TUSC1: variants seen among roughly 807,000 people sequenced by gnomAD.
The protein encoded by TUSC1 is tumor suppressor candidate 1.
Under a neutral mutation model 5.2 loss-of-function variants are expected in TUSC1, and 8 were observed. That is an observed-to-expected ratio of 1.54 (90% CI 0.90 to 2.77). The LOEUF (loss-of-function observed/expected upper bound fraction) is 2.77. Among genes scored for constraint, TUSC1 ranks in the 30% most tolerant of loss-of-function variants. TUSC1 has a pLI of 0.00. For missense variants in TUSC1, 442 were observed against 324.2 expected, an observed-to-expected ratio of 1.36 and a Z score of -2.79; for synonymous variants, 192 against 144.2, an observed-to-expected ratio of 1.33 and a Z score of -2.37.
Position 25,677,094 on chromosome 9 carries a change from G to A in TUSC1, c.*589C>T, listed in dbSNP as rs1205711955. 2.0e-5 allele frequency: 3 copies of A among 152,288 alleles called. No individual in the cohort carries two copies. Among genetic ancestry groups the A allele is most frequent in the East Asian group, 1.9e-4 (1 of 5,184 alleles). The allele number at this position is 152,288 out of a possible 1,614,324, so 9.4% of individuals were successfully genotyped here. A position where few individuals can be genotyped will look rare whatever the true frequency, so the allele number is the denominator to read the frequency against. On this transcript the variant is annotated 3_prime_UTR_variant, in exon 1 of 1. Transcript: ENST00000358022. ...ATGTACAGGGACTGCAGCCAAGACA[G>A]GCATGAGTTCCTAGGTTATAAATAT...
In TUSC1 at chr9:25,678,284, C is replaced by T; in HGVS notation, c.29G>A (p.Arg10Lys). 2 of 1,468,192 alleles carry T rather than the reference C, an allele frequency of 1.4e-6. No individual in the cohort carries two copies. The highest frequency in any genetic ancestry group is 3.1e-5 in the East Asian group (1 of 32,198). The allele number at this position is 1,468,192 out of a possible 1,614,324, so 90.9% of individuals were successfully genotyped here. A position where few individuals can be genotyped will look rare whatever the true frequency, so the allele number is the denominator to read the frequency against. The change falls in exon 1 of 1, where the codon AGG becomes AAG. Residue 10 changes from arginine (R) to lysine (K), a missense_variant. Coordinates refer to ENST00000358022, the MANE Select transcript of TUSC1 (RefSeq NM_001004125.3). ...GTCCCCGCCGCAGCAACTCCCGCGC[C>T]TAGTGGCGCCACCACGCATGCGCCA... MWRMRGGAT[R>K]RGSCCGGDGA...
rs1819062048 is a variant in TUSC1, at chr9:25,677,491, C to T, written c.*192G>A. 4 of 1,116,778 alleles carry T rather than the reference C, an allele frequency of 3.6e-6. No individual in the cohort carries two copies. The highest frequency in any genetic ancestry group is 2.6e-5 in the East Asian group (1 of 38,142). The allele number at this position is 1,116,778 out of a possible 1,614,324, so 69.2% of individuals were successfully genotyped here. On this transcript the variant is annotated 3_prime_UTR_variant, in exon 1 of 1. Transcript: ENST00000358022. ...GTGGGAGGTCCTGAGGGCCCTTGCA[C>T]CCACTCGACCTCCACCAAGCGGATG... is the stretch of plus-strand genomic sequence containing the variant.
chr9:25,677,511 CG>C lies in TUSC1; in HGVS notation c.*171del. 1 of 1,303,308 alleles carries C rather than the reference CG, an allele frequency of 7.7e-7. No individual in the cohort carries two copies. Among genetic ancestry groups the C allele is most frequent in the Non-Finnish European group, 1.0e-6 (1 of 981,752 alleles). 80.7% of individuals were successfully genotyped at this position (1,303,308 alleles called of 1,614,324 possible). A position where few individuals can be genotyped will look rare whatever the true frequency, so the allele number is the denominator to read the frequency against. ...TTGCACCCACTCGACCTCCACCAAG[CG>C]GATGGCCAAGCGCCACCCGGAAGTG... is the stretch of plus-strand genomic sequence containing the variant. On this transcript the variant is annotated 3_prime_UTR_variant, in exon 1 of 1. Transcript: ENST00000358022.
In TUSC1 at chr9:25,677,790, C is replaced by A. The variant is rs1000105701; in HGVS notation, c.523G>T (p.Glu175Ter). 1.9e-6 allele frequency: 3 copies of A among 1,588,900 alleles called. No individual in the cohort carries two copies. In the African/African-American group the frequency reaches 4.0e-5, roughly 21 times the overall value. The change falls in exon 1 of 1, where the codon GAG (glutamate) becomes TAG (stop). Residue 175 changes from glutamate (E) to a stop codon, truncating the protein, a stop_gained. Transcript: ENST00000358022. LOFTEE classifies it low-confidence loss of function (END_TRUNC). ...CCGCTCGGACGTGGTCCCCGCTGCT[C>A]GAGGTGCAGCTGCAGCAGGGCCCGG... Reference protein sequence around the residue: ...YRRALLQLHLEQRGPRPSGDK... With the variant: ...YRRALLQLHL
In TUSC1 at chr9:25,677,608, C is replaced by G. The variant is rs1295243534; in HGVS notation, c.*75G>C. The G allele has an allele frequency of 6.9e-7, 1 of 1,440,116 alleles. No homozygotes were observed. The highest frequency in any genetic ancestry group is 9.1e-7 in the Non-Finnish European group (1 of 1,102,324). The allele number at this position is 1,440,116 out of a possible 1,614,324, so 89.2% of individuals were successfully genotyped here. ...GGCAGGGAGCGGGCCAGGGCGTGCG[C>G]GAGGTCGGGGGTAGCTGGGAACGGA... On this transcript the variant is annotated 3_prime_UTR_variant, in exon 1 of 1. Coordinates refer to ENST00000358022, the MANE Select transcript of TUSC1 (RefSeq NM_001004125.3).
Position 25,677,530 on chromosome 9 carries a change from C to T in TUSC1, c.*153G>A. 1 of 1,390,428 alleles carries T rather than the reference C, an allele frequency of 7.2e-7. No individual in the cohort carries two copies. The highest frequency in any genetic ancestry group is 9.4e-7 in the Non-Finnish European group (1 of 1,060,708). 86.1% of individuals were successfully genotyped at this position (1,390,428 alleles called of 1,614,324 possible). A position where few individuals can be genotyped will look rare whatever the true frequency, so the allele number is the denominator to read the frequency against. On this transcript the variant is annotated 3_prime_UTR_variant, in exon 1 of 1. Transcript: ENST00000358022. ...ACCAAGCGGATGGCCAAGCGCCACC[C>T]GGAAGTGTCCACTGGTGGGGGCGGG... is the stretch of plus-strand genomic sequence containing the variant.
At position 25,677,667 on chromosome 9, in the gene TUSC1, C is replaced by T. The variant is rs925969255; in HGVS notation, c.*16G>A. On this transcript the variant is annotated 3_prime_UTR_variant, in exon 1 of 1. Transcript: ENST00000358022. Reference sequence around the variant, plus strand: ...GGCCCGCTCGAGGCTCCGCCTCTCACCGGCTGCGGCCTCGGCTACAGCCAG... The same window carrying T: ...GGCCCGCTCGAGGCTCCGCCTCTCATCGGCTGCGGCCTCGGCTACAGCCAG... The T allele has an allele frequency of 8.0e-6, 12 of 1,493,204 alleles. No homozygotes were observed. The highest frequency in any genetic ancestry group is 9.8e-6 in the Non-Finnish European group (11 of 1,122,146). 92.5% of individuals were successfully genotyped at this position (1,493,204 alleles called of 1,614,324 possible).
In TUSC1 at chr9:25,677,857, C is replaced by A; in HGVS notation, c.456G>T (p.Arg152Ser). The change falls in exon 1 of 1, where the codon AGG (arginine) becomes AGT (serine). Residue 152 changes from arginine to serine, a missense_variant. Arg to Ser is a moderately radical substitution (Grantham distance 110). Transcript: ENST00000358022. ...SGREDEPGSP[R>S]ALRARLEKLE... Reference sequence around the variant, plus strand: ...GCTTCTCAAGTCGGGCCCTCAGGGCCCTGGGGCTGCCCGGCTCGTCCTCTC... The same window carrying A: ...GCTTCTCAAGTCGGGCCCTCAGGGCACTGGGGCTGCCCGGCTCGTCCTCTC... The A allele has an allele frequency of 6.3e-7, 1 of 1,596,010 alleles. No individual in the cohort carries two copies. Among genetic ancestry groups the A allele is most frequent in the Non-Finnish European group, 8.5e-7 (1 of 1,174,128 alleles).
chr9:25,677,890 GTC>G lies in TUSC1; in HGVS notation c.421_422del (p.Asp141GlnfsTer18). 1 of 1,588,260 alleles carries G rather than the reference GTC, an allele frequency of 6.3e-7. No homozygotes were observed. On this transcript the variant is annotated frameshift_variant, in exon 1 of 1. Coordinates refer to ENST00000358022, the MANE Select transcript of TUSC1 (RefSeq NM_001004125.3). LOFTEE classifies it low-confidence loss of function (END_TRUNC). ...TGCCCGGCTCGTCCTCTCGGCCGCT[GTC>G]TCTAGCCCTCCGGTTCGTGCTGGCC... is the stretch of plus-strand genomic sequence containing the variant. Reference protein sequence around the residue: ...EEASTNRRARDSGREDEPGSP... With the variant: ...EEASTNRRARXSGREDEPGSP...
chr9:25,678,296 C>T lies in TUSC1; in HGVS notation c.17G>A (p.Gly6Asp). The T allele has an allele frequency of 1.4e-6, 2 of 1,469,520 alleles. No individual in the cohort carries two copies. Among genetic ancestry groups the T allele is most frequent in the Middle Eastern group, 4.7e-4 (2 of 4,216 alleles). The allele number at this position is 1,469,520 out of a possible 1,614,324, so 91.0% of individuals were successfully genotyped here. Reference protein sequence around the residue: MWRMRGGATRRGSCCG... With the variant: MWRMRDGATRRGSCCG... ...GCAACTCCCGCGCCTAGTGGCGCCA[C>T]CACGCATGCGCCACATCGGTCCCAT... Residue 6 changes from glycine to aspartate, a missense_variant, in exon 1 of 1, where the codon GGT (glycine) becomes GAT (aspartate). Transcript: ENST00000358022.
Position 25,678,323 on chromosome 9 carries a change from C to T in TUSC1, c.-11G>A, listed in dbSNP as rs1462218557. On this transcript the variant is annotated 5_prime_UTR_variant, in exon 1 of 1. Transcript: ENST00000358022. ...ACGCATGCGCCACATCGGTCCCATC[C>T]CAACCGCGCCGCCAGCCCCGTGGGC... The T allele has an allele frequency of 7.0e-7, 1 of 1,436,274 alleles. No individual in the cohort carries two copies. The highest frequency in any genetic ancestry group is 9.1e-7 in the Non-Finnish European group (1 of 1,094,756). The allele number at this position is 1,436,274 out of a possible 1,614,324, so 89.0% of individuals were successfully genotyped here. A position where few individuals can be genotyped will look rare whatever the true frequency, so the allele number is the denominator to read the frequency against.
At position 25,678,071 on chromosome 9, in the gene TUSC1, C is replaced by T. The variant is rs756472890; in HGVS notation, c.242G>A (p.Arg81Gln). 37 of 1,588,704 alleles carry T rather than the reference C, an allele frequency of 2.3e-5. 1 individual carries two copies. The East Asian group carries it at 6.6e-4, about 28-fold the overall frequency. ...EAIRARDEWD[R>Q]QNARLRQENA... Reference sequence around the variant, plus strand: ...CTCCTGACGCAGCCGCGCGTTCTGCCGGTCCCACTCGTCCCGCGCACGGAT... The same window carrying T: ...CTCCTGACGCAGCCGCGCGTTCTGCTGGTCCCACTCGTCCCGCGCACGGAT... The change falls in exon 1 of 1, where the codon CGG becomes CAG. Residue 81 changes from arginine (R) to glutamine (Q), a missense_variant. Coordinates refer to ENST00000358022, the MANE Select transcript of TUSC1 (RefSeq NM_001004125.3).
Position 25,677,897 on chromosome 9 carries a change from G to C in TUSC1, c.416C>G (p.Ala139Gly). Residue 139 changes from alanine (A) to glycine (G), a missense_variant, in exon 1 of 1, where the codon GCT becomes GGT. Physicochemically the swap from Ala to Gly is moderately conservative, Grantham distance 60. Coordinates refer to ENST00000358022, the MANE Select transcript of TUSC1 (RefSeq NM_001004125.3). The part of the protein sequence containing the change: ...VPEEASTNRR[A>G]RDSGREDEPG... Reference sequence around the variant, plus strand: ...CTCGTCCTCTCGGCCGCTGTCTCTAGCCCTCCGGTTCGTGCTGGCCTCTTC... The same window carrying C: ...CTCGTCCTCTCGGCCGCTGTCTCTACCCCTCCGGTTCGTGCTGGCCTCTTC... 1 of 1,585,670 alleles carries C rather than the reference G, an allele frequency of 6.3e-7. No homozygotes were observed. The highest frequency in any genetic ancestry group is 8.5e-7 in the Non-Finnish European group (1 of 1,169,748).
In TUSC1 at chr9:25,677,283, C is replaced by T. The variant is rs1263403008; in HGVS notation, c.*400G>A. On this transcript the variant is annotated 3_prime_UTR_variant, in exon 1 of 1. Coordinates refer to ENST00000358022, the MANE Select transcript of TUSC1 (RefSeq NM_001004125.3). ...CCAACTAAAAACACATTACTCATCC[C>T]TCAGAACCAAAATACAGGAAAAAAA... 3 of 194,160 alleles carry T rather than the reference C, an allele frequency of 1.5e-5. No individual in the cohort carries two copies. The highest frequency in any genetic ancestry group is 3.1e-5 in the Non-Finnish European group (3 of 96,790). The allele number at this position is 194,160 out of a possible 1,614,324, so 12.0% of individuals were successfully genotyped here. A position where few individuals can be genotyped will look rare whatever the true frequency, so the allele number is the denominator to read the frequency against.
In TUSC1 at chr9:25,677,301, G is replaced by GA. The variant is rs74174596; in HGVS notation, c.*381dup. ...CTCATCCCTCAGAACCAAAATACAGGAAAAAAAAAAATACAACAGGTTCGC... is the reference window on the plus strand; with the variant it reads ...CTCATCCCTCAGAACCAAAATACAGGAAAAAAAAAAAATACAACAGGTTCGC... On this transcript the variant is annotated 3_prime_UTR_variant, in exon 1 of 1. Coordinates refer to ENST00000358022, the MANE Select transcript of TUSC1 (RefSeq NM_001004125.3). The GA allele has an allele frequency of 0.011, 2,205 of 204,470 alleles. 2 individuals are homozygous for GA. Among genetic ancestry groups the GA allele is most frequent in the South Asian group, 0.017 (96 of 5,714 alleles). 12.7% of individuals were successfully genotyped at this position (204,470 alleles called of 1,614,324 possible).
At position 25,677,675 on chromosome 9, in the gene TUSC1, G is replaced by A. The variant is rs1819068141; in HGVS notation, c.*8C>T. ...CGAGGCTCCGCCTCTCACCGGCTGC[G>A]GCCTCGGCTACAGCCAGGGCCCAGA... On this transcript the variant is annotated 3_prime_UTR_variant, in exon 1 of 1. Transcript: ENST00000358022. 1 of 1,501,422 alleles carries A rather than the reference G, an allele frequency of 6.7e-7. No homozygotes were observed. The highest frequency in any genetic ancestry group is 8.9e-7 in the Non-Finnish European group (1 of 1,125,178). The allele number at this position is 1,501,422 out of a possible 1,614,324, so 93.0% of individuals were successfully genotyped here.
chr9:25,677,928 C>A lies in TUSC1; in HGVS notation c.385G>T (p.Val129Phe). 6.4e-7 allele frequency: 1 copy of A among 1,563,318 alleles called. No homozygotes were observed. The highest frequency in any genetic ancestry group is 8.6e-7 in the Non-Finnish European group (1 of 1,158,342). Residue 129 changes from valine (V) to phenylalanine (F), a missense_variant, in exon 1 of 1, where the codon GTC becomes TTC. By Grantham distance (50) the Val-to-Phe change is conservative. Coordinates refer to ENST00000358022, the MANE Select transcript of TUSC1 (RefSeq NM_001004125.3). ...GNGTPAEARR[V>F]PEEASTNRRA... ...CGGTTCGTGCTGGCCTCTTCAGGGA[C>A]CCGGCGTGCCTCCGCGGGCGTCCCG...
rs1819064820 is a variant in TUSC1 at position 25,677,590 on chromosome 9, AGC to A, written c.*91_*92del. The A allele has an allele frequency of 2.8e-6, 4 of 1,434,622 alleles. No homozygotes were observed. In the South Asian group the frequency reaches 5.9e-5, roughly 21 times the overall value. The allele number at this position is 1,434,622 out of a possible 1,614,324, so 88.9% of individuals were successfully genotyped here. On this transcript the variant is annotated 3_prime_UTR_variant, in exon 1 of 1. Coordinates refer to ENST00000358022, the MANE Select transcript of TUSC1 (RefSeq NM_001004125.3). ...TAGTCCAAGGTATCCGCGGGCAGGG[AGC>A]GGGCCAGGGCGTGCGCGAGGTCGGG...
rs1299636414 is a variant in TUSC1, at chr9:25,676,973, T to C, written c.*710A>G. ...TACTCGCCGCAACCTTTCAGATAAT[T>C]TTTAATGCACCAGATTTATTTACCA... On this transcript the variant is annotated 3_prime_UTR_variant, in exon 1 of 1. Coordinates refer to ENST00000358022, the MANE Select transcript of TUSC1 (RefSeq NM_001004125.3). The C allele has an allele frequency of 1.3e-5, 2 of 152,206 alleles. No homozygotes were observed. The highest frequency in any genetic ancestry group is 4.8e-5 in the African/African-American group (2 of 41,458). 9.4% of individuals were successfully genotyped at this position (152,206 alleles called of 1,614,324 possible). A position where few individuals can be genotyped will look rare whatever the true frequency, so the allele number is the denominator to read the frequency against.
Sources: allele counts gnomAD v4.1 joint callset, GRCh38; gene constraint gnomAD v4.1.1; transcripts MANE v1.5; gene names NCBI Gene and HGNC (gene_info 2026-07-23, HGNC 2026-07-21).